The following PCDHGA8 variants were observed in gnomAD, a reference collection of about 807,000 sequenced individuals.
PCDHGA8 encodes protocadherin gamma-A8.
A neutral mutation model predicts 59.2 loss-of-function variants in PCDHGA8; 45 were observed. The ratio of observed to expected loss-of-function variants is 0.76; its 90% CI spans 0.60 to 0.98. The LOEUF (loss-of-function observed/expected upper bound fraction) is 0.98, where lower values mean the gene tolerates loss of function less well. Among genes scored for constraint, PCDHGA8 ranks in the 50% least tolerant of loss-of-function variants. The pLI is 0.00. For missense variants in PCDHGA8, 1,257 were observed against 1,196.2 expected (o/e 1.05, Z -0.75); for synonymous variants, 531 against 519.0 (o/e 1.02, Z -0.32).
chr5:141,419,140 G>C, intron 1 of PCDHGA8: 1 of 1,613,868 alleles, frequency 6.2e-7, no homozygotes, highest in Non-Finnish European at 8.5e-7. Flanking sequence ...CCACAGACAG[G>C]GGCAAGCCTC....
intron 1 of PCDHGA8, among the ~76,000 whole-genome samples, chr5:141,446,571 G>C (rs1460375061): frequency 2.0e-5 from 3 of 152,058 alleles, no homozygotes; most frequent in African/African-American, 7.2e-5. Flanking sequence ...CTGCCTCCCA[G>C]GTTCAAGTGA....
Position 141,394,876 on chromosome 5 carries a change from G to T in PCDHGA8, c.2063G>T (p.Ser688Ile). The T allele has an allele frequency of 1.2e-6, 2 of 1,613,866 alleles. No homozygotes were observed. Among genetic ancestry groups the T allele is most frequent in the Middle Eastern group, 1.6e-4 (1 of 6,062 alleles). Reference protein sequence around the residue: ...LKPSVDPNDSSLTLYLVVAVA... With the variant: ...LKPSVDPNDSILTLYLVVAVA... The stretch of plus-strand genomic sequence containing the variant: ...CCTTCGGTCGACCCGAACGATTCGA[G>T]CCTTACACTCTATCTCGTGGTGGCA... The change falls in exon 1 of 4, where the codon AGC becomes ATC. Residue 688 changes from serine (S) to isoleucine (I), a missense_variant. Ser to Ile is a moderately radical substitution (Grantham distance 142). Transcript: ENST00000398604.
intron 1 of PCDHGA8, chr5:141,415,281 C>T (rs1321418691): frequency 6.2e-7 from 1 of 1,614,080 alleles, no homozygotes; most frequent in African/African-American, 1.3e-5. Context: ...TAGCGGTGGC[C>T]GCGGTCTCCT....
At chr5:141,499,908 G>A (rs903753761) in intron 2 of PCDHGA8, among the ~76,000 whole-genome samples, 2 of 151,980 alleles carry the variant, frequency 1.3e-5, no homozygotes, top group African/African-American at 2.4e-5. Flanking sequence ...GGCTGGTCTT[G>A]AACTCCTGGC....
chr5:141,423,246 G>A, intron 1 of PCDHGA8: 15 of 1,613,922 alleles, frequency 9.3e-6, no homozygotes, highest in Non-Finnish European at 1.3e-5. Context: ...CCGAAGTCCT[G>A]GCGGACCTCG....
chr5:141,473,655 G>A (rs2099326380), intron 1 of PCDHGA8, among the ~76,000 whole-genome samples: 1 of 152,182 alleles, frequency 6.6e-6, no homozygotes, highest in Non-Finnish European at 1.5e-5. Context: ...AACAATTTGT[G>A]TGAAGGCCCT....
At chr5:141,448,602 A>G (rs1350132402) in intron 1 of PCDHGA8, among the ~76,000 whole-genome samples, 1 of 152,154 alleles carries the variant, frequency 6.6e-6, no homozygotes, top group Non-Finnish European at 1.5e-5. Flanking sequence ...AAAATACTAT[A>G]CACCACTTTA....
rs775132338 is a variant in PCDHGA8 at position 141,490,858 on chromosome 5, G to A, written c.2425-3949G>A. On this transcript the variant is annotated intron_variant, in intron 1 of 3. Coordinates refer to ENST00000398604, the MANE Select transcript of PCDHGA8 (RefSeq NM_032088.2). This position sits in a 1 kb window ranked among gnomAD's most constrained non-coding sequence, Gnocchi z 5.4. Reference sequence around the variant, plus strand: ...GATTGTGGTGGGGGTTCGAGACTCCGGCTCTCCCCCATTGCATGCCAACAC... The same window carrying A: ...GATTGTGGTGGGGGTTCGAGACTCCAGCTCTCCCCCATTGCATGCCAACAC... 14 of 1,613,704 alleles carry A rather than the reference G, an allele frequency of 8.7e-6. No homozygotes were observed. Among genetic ancestry groups the A allele is most frequent in the South Asian group, 2.2e-5 (2 of 91,068 alleles).
intron 1 of PCDHGA8, among the ~76,000 whole-genome samples, chr5:141,454,773 G>A (rs1272535268): frequency 6.9e-6 from 1 of 144,540 alleles, no homozygotes; most frequent in East Asian, 2.0e-4. Flanking sequence ...TTTTTTACAA[G>A]GAAATAATCC....
chr5:141,428,563 G>A, intron 1 of PCDHGA8: 2 of 237,566 alleles, frequency 8.4e-6, no homozygotes, highest in East Asian at 1.1e-4. Flanking sequence ...CCCCCCACAA[G>A]ATCTTTCTAA....
At chr5:141,473,335 C>T (rs1243738475) in intron 1 of PCDHGA8, among the ~76,000 whole-genome samples, 3 of 152,184 alleles carry the variant, frequency 2.0e-5, no homozygotes, top group Non-Finnish European at 4.4e-5. Context: ...GCCTGCTGTG[C>T]TAGACAGTGA....
rs530139788 is a variant in PCDHGA8, at chr5:141,509,165, C to A, written c.2573-1782C>A. On this transcript the variant is annotated intron_variant, in intron 3 of 3. Coordinates refer to ENST00000398604, the MANE Select transcript of PCDHGA8 (RefSeq NM_032088.2). ...TCCCGGCTCTCCCCTCCCGTGTGCC[C>A]TCCTCCTCTTATGCCGGCTTGAAAA... Among the ~76,000 whole-genome samples the A allele has an allele frequency of 1.4e-4, 21 of 152,332 alleles. No individual in the cohort carries two copies. In the South Asian group the frequency reaches 4.1e-3, roughly 30 times the overall value.
At position 141,403,267 on chromosome 5, in the gene PCDHGA8, C is replaced by T. The variant is rs767670942; in HGVS notation, c.2424+8030C>T. On this transcript the variant is annotated intron_variant, in intron 1 of 3. Transcript: ENST00000398604. ...CTCAGAGCCCGCGGTGTCTGGTGAA[C>T]TTTAAAGTCCTGGTTGAAGACAGAG... is the stretch of plus-strand genomic sequence containing the variant. 4.4e-5 allele frequency: 71 copies of T among 1,613,770 alleles called. No homozygotes were observed. Among genetic ancestry groups the T allele is most frequent in the Non-Finnish European group, 5.8e-5 (69 of 1,179,916 alleles).
At chr5:141,465,978 C>T (rs568961720) in intron 1 of PCDHGA8, among the ~76,000 whole-genome samples, 7 of 151,998 alleles carry the variant, frequency 4.6e-5, no homozygotes, top group South Asian at 2.1e-4. Context: ...AAAAATTAGC[C>T]GGGCATGGTG....
intron 1 of PCDHGA8, among the ~76,000 whole-genome samples, chr5:141,438,002 A>G (rs200179547): frequency 1.3e-5 from 2 of 152,072 alleles, no homozygotes; most frequent in East Asian, 1.9e-4. Flanking sequence ...CAGCCTCCCA[A>G]ATAGCTGAGA....
intron 1 of PCDHGA8, chr5:141,415,400 C>T (rs754292889): frequency 2.5e-6 from 4 of 1,614,228 alleles, no homozygotes; most frequent in South Asian, 1.1e-5. Flanking sequence ...GTGTCCGGCT[C>T]GCACTTTGTG....
chr5:141,399,309 C>CA (rs1033550021), intron 1 of PCDHGA8: 6 of 1,613,784 alleles, frequency 3.7e-6, no homozygotes, highest in African/African-American at 1.3e-5. Context: ...TCTCTTCATC[C>CA]AAAAATTCGT....
At position 141,432,379 on chromosome 5, in the gene PCDHGA8, G is replaced by A; in HGVS notation, c.2424+37142G>A. On this transcript the variant is annotated intron_variant, in intron 1 of 3. Transcript: ENST00000398604. The surrounding 1 kb of genome is among the most constrained non-coding windows in gnomAD (Gnocchi z 6.0). ...TGATGGCGCGGGACAACGGGCACCC[G>A]CCCCTCAGCAGCAACGTGTCGTTGA... 1.2e-6 allele frequency: 2 copies of A among 1,614,208 alleles called. No homozygotes were observed. The highest frequency in any genetic ancestry group is 1.7e-6 in the Non-Finnish European group (2 of 1,180,038).
intron 1 of PCDHGA8, chr5:141,415,715 T>A: frequency 7.0e-7 from 1 of 1,428,190 alleles, no homozygotes; most frequent in Non-Finnish European, 9.3e-7. Flanking sequence ...AAAACACTGA[T>A]GAGTAGAATT....
Sources: allele counts gnomAD v4.1 joint callset (sites outside exome capture counted in the v4.1 genomes callset), GRCh38; gene constraint gnomAD v4.1.1; non-coding constraint Gnocchi (gnomAD v3.1); transcripts MANE v1.5; gene names NCBI Gene and HGNC (gene_info 2026-07-23, HGNC 2026-07-21).